Variants in TRIM14 observed in about 807,000 individuals in gnomAD.
TRIM14 encodes the protein tripartite motif-containing protein 14.
Under a neutral mutation model 44.5 loss-of-function variants are expected in TRIM14, and 28 were observed. The observed-to-expected ratio is 0.63, with a 90% CI of 0.47 to 0.86. The LOEUF (loss-of-function observed/expected upper bound fraction) is 0.86. TRIM14 is among the 40% of genes least tolerant of loss of function. The probability of loss-of-function intolerance (pLI) is 0.00; values close to 1 mark genes in which losing one functional copy is unlikely to be tolerated. For missense variants in TRIM14, 607 were observed against 611.1 expected, an observed-to-expected ratio of 0.99 and a Z score of 0.07; for synonymous variants, 299 against 269.2, an observed-to-expected ratio of 1.11 and a Z score of -1.08.
chr9:98,045,540 T>C, the TRIM14 span, among the ~76,000 whole-genome samples: 1 of 152,212 alleles, frequency 6.6e-6, no homozygotes, highest in South Asian at 2.1e-4. Flanking sequence ...TGAACCTCAC[T>C]TCCGTTTTCT....
chr9:98,094,727 G>T, intron 4 of TRIM14, 140 bp downstream of exon 4: 1 of 950,842 alleles, frequency 1.1e-6, no homozygotes, highest in Non-Finnish European at 1.6e-6. Context: ...TTGGGCACCA[G>T]GCCCAGGAGC....
intron 3 of TRIM14, among the ~76,000 whole-genome samples, chr9:98,097,625 A>G (rs574513585): frequency 6.6e-6 from 1 of 152,282 alleles, no homozygotes; most frequent in East Asian, 1.9e-4. Flanking sequence ...CCCCCACCCA[A>G]CTGTGAGCTC....
chr9:98,066,841 G>A (rs1587909942), downstream of TRIM14, among the ~76,000 whole-genome samples: 1 of 152,050 alleles, frequency 6.6e-6, no homozygotes, highest in Admixed American at 6.6e-5. Context: ...AGTGGAGACA[G>A]GGTTTCACCA....
chr9:98,060,589 G>A, the TRIM14 span, among the ~76,000 whole-genome samples: 1 of 152,144 alleles, frequency 6.6e-6, no homozygotes, highest in Admixed American at 6.5e-5. Flanking sequence ...AGAATGGCTT[G>A]AACCCGGGAG....
At chr9:98,118,402 A>G (rs948215259) in intron 1 of TRIM14, among the ~76,000 whole-genome samples, 6 of 152,074 alleles carry the variant, frequency 3.9e-5, no homozygotes, top group Admixed American at 1.3e-4. Context: ...TGGCTGTAAT[A>G]ATAATGGCTC....
At chr9:98,096,282 A>C (rs1359728809) in intron 3 of TRIM14, among the ~76,000 whole-genome samples, 1 of 152,164 alleles carries the variant, frequency 6.6e-6, no homozygotes, top group Non-Finnish European at 1.5e-5. Context: ...ATAGAGTCCA[A>C]CCTCATTTTG....
the TRIM14 span, among the ~76,000 whole-genome samples, chr9:98,042,170 C>G: frequency 6.6e-6 from 1 of 150,966 alleles, no homozygotes; most frequent in African/African-American, 2.4e-5. Flanking sequence ...GCAGGAGCCT[C>G]TAGTCCCAGC....
At chr9:98,080,720 G>GT, downstream of TRIM14, 1 of 1,388,954 alleles carries the variant, frequency 7.2e-7, no homozygotes, top group Non-Finnish European at 9.7e-7. Context: ...CAGCTAGTGA[G>GT]TGGCTAAACC....
chr9:98,062,906 TAAAA>T, the TRIM14 span, among the ~76,000 whole-genome samples: 2 of 151,544 alleles, frequency 1.3e-5, no homozygotes, highest in East Asian at 3.9e-4. Flanking sequence ...AGTTTAAAAT[TAAAA>T]AAAGTTTCTT....
exon 7 of TRIM14, chr9:98,069,665 T>A (rs889177823): frequency 2.0e-5 from 3 of 152,258 alleles, no homozygotes; most frequent in African/African-American, 7.2e-5. Context: ...GAACATACTG[T>A]ACGATTCTGC....
At chr9:98,070,658 G>C (rs1424727916) in intron 6 of TRIM14, among the ~76,000 whole-genome samples, 14 of 151,906 alleles carry the variant, frequency 9.2e-5, no homozygotes, top group Non-Finnish European at 2.1e-4. Flanking sequence ...GACCTCAGGT[G>C]ATCCGCCCAC....
chr9:98,098,574 TG>T (rs1159283672), intron 3 of TRIM14, among the ~76,000 whole-genome samples: 2 of 151,328 alleles, frequency 1.3e-5, no homozygotes, highest in Non-Finnish European at 2.9e-5. Context: ...TAGCTGGGCG[TG>T]GTGGGGGGCG....
At chr9:98,054,894 T>C in the TRIM14 span, among the ~76,000 whole-genome samples, 2 of 152,204 alleles carry the variant, frequency 1.3e-5, no homozygotes. Flanking sequence ...ACAGCTGATT[T>C]ATCAAAATAG....
At chr9:98,058,820 C>G in the TRIM14 span, among the ~76,000 whole-genome samples, 18 of 152,188 alleles carry the variant, frequency 1.2e-4, no homozygotes, top group Admixed American at 7.2e-4. Flanking sequence ...CTGGCCAGCT[C>G]TGCTAGAGAC....
chr9:98,060,924 A>G, the TRIM14 span: 1 of 1,614,210 alleles, frequency 6.2e-7, no homozygotes, highest in Non-Finnish European at 8.5e-7. Context: ...GAGTTCAGCC[A>G]TGACCAGTAC....
intron 2 of TRIM14, among the ~76,000 whole-genome samples, chr9:98,101,343 G>C (rs192285858): frequency 3.3e-4 from 50 of 152,228 alleles, no homozygotes; most frequent in Admixed American, 6.5e-4. Context: ...GTAAGGGTAT[G>C]TGAAGTAGGG....
At chr9:98,066,795 C>A (rs968535237), downstream of TRIM14, among the ~76,000 whole-genome samples, 1 of 152,070 alleles carries the variant, frequency 6.6e-6, no homozygotes. Context: ...GGATTGCAGT[C>A]ATGCACCACC....
At chr9:98,081,676 C>T (rs1641940219), downstream of TRIM14, 1 of 152,518 alleles carries the variant, frequency 6.6e-6, no homozygotes, top group South Asian at 2.1e-4. Context: ...TGGCCTGGAC[C>T]TTCTTGCCTT....
At chr9:98,070,579 C>T (rs374226956) in intron 6 of TRIM14, among the ~76,000 whole-genome samples, 9 of 152,018 alleles carry the variant, frequency 5.9e-5, no homozygotes, top group African/African-American at 1.7e-4. Flanking sequence ...CGCCACCACA[C>T]CCGACTAATT....
Sources: gnomAD v4.1 joint callset for allele counts (sites outside exome capture counted in the v4.1 genomes callset) on GRCh38, gnomAD v4.1.1 for gene constraint, MANE v1.5 for transcripts, NCBI Gene and HGNC (gene_info 2026-07-23, HGNC 2026-07-21) for gene names.